The following SRBD1 variants were observed in gnomAD, a reference collection of about 807,000 sequenced individuals.
SRBD1 encodes the protein S1 RNA binding domain 1.
A neutral mutation model predicts 115.3 loss-of-function variants in SRBD1; 88 were observed. The observed-to-expected ratio is 0.76, with a 90% CI of 0.64 to 0.91. The LOEUF (loss-of-function observed/expected upper bound fraction) is 0.91. SRBD1 is among the 40% of genes least tolerant of loss of function. The pLI, the probability that SRBD1 is intolerant of heterozygous loss-of-function variation, is 0.00. For missense variants in SRBD1, 1,385 were observed against 1,177.4 expected, an observed-to-expected ratio of 1.18 and a Z score of -2.58; for synonymous variants, 509 against 407.7, an observed-to-expected ratio of 1.25 and a Z score of -2.99.
intron 19 of SRBD1, among the ~76,000 whole-genome samples, chr2:45,406,429 G>A (rs1367661612): frequency 6.6e-6 from 1 of 152,112 alleles, no homozygotes; most frequent in East Asian, 1.9e-4. Context: ...ATCTATTTGT[G>A]GCAACAGTGT....
chr2:45,423,759 C>T (rs1157225958), intron 16 of SRBD1, among the ~76,000 whole-genome samples: 1 of 152,070 alleles, frequency 6.6e-6, no homozygotes, highest in Non-Finnish European at 1.5e-5. Flanking sequence ...TACATTTGAA[C>T]TGATTTCCTA....
At chr2:45,535,077 A>C (rs1333015580) in intron 14 of SRBD1, among the ~76,000 whole-genome samples, 1 of 152,064 alleles carries the variant, frequency 6.6e-6, no homozygotes, top group Non-Finnish European at 1.5e-5. Context: ...TGATTCTAAC[A>C]CACCTCAGTG....
intron 16 of SRBD1, among the ~76,000 whole-genome samples, chr2:45,422,776 T>C (rs1228269486): frequency 1.3e-5 from 2 of 152,228 alleles, no homozygotes; most frequent in African/African-American, 4.8e-5. Flanking sequence ...CAAGTTTAGT[T>C]AAAAACTTTC....
At chr2:45,445,549 G>GAAAA (rs1415666261) in intron 16 of SRBD1, among the ~76,000 whole-genome samples, 1 of 47,150 alleles carries the variant, frequency 2.1e-5, no homozygotes, top group African/African-American at 1.1e-4. Context: ...CTTCCCAGAG[G>GAAAA]TAAAAAAAAA....
At chr2:45,418,622 G>T in intron 17 of SRBD1, 81 bp from the exon 18 acceptor site, 2 of 1,213,076 alleles carry the variant, frequency 1.6e-6, no homozygotes, top group Non-Finnish European at 1.1e-6. Flanking sequence ...TCATAAAAAC[G>T]ACTGCAATGA....
chr2:45,405,158 T>G (rs1256178687), intron 19 of SRBD1, among the ~76,000 whole-genome samples: 3 of 152,220 alleles, frequency 2.0e-5, no homozygotes, highest in African/African-American at 7.2e-5. Flanking sequence ...TTGTATACTG[T>G]GTCTCTTTGA....
chr2:45,606,157 CT>C (rs71394845), intron 1 of SRBD1, among the ~76,000 whole-genome samples: 48,033 of 116,358 alleles, frequency 0.41, 7,844 homozygotes, highest in Non-Finnish European at 0.47. Context: ...TTTTCCTATT[CT>C]TTTTTTTTTT....
At position 45,610,237 on chromosome 2, in the gene SRBD1, G is replaced by A. The variant is rs577738318; in HGVS notation, c.-1+982C>T. 7.0e-4 allele frequency among the ~76,000 whole-genome samples: 106 copies of A among 152,164 alleles called. 2 individuals carry two copies. Among genetic ancestry groups the A allele is most frequent in the African/African-American group, 2.5e-3 (103 of 41,508 alleles). ...GACGACTGCAAATCAGGACAAAGGG[G>A]CAAAAGGACGTGCACACTAACAAAT... On this transcript the variant is annotated intron_variant, in intron 1 of 20. Coordinates refer to ENST00000263736, the MANE Select transcript of SRBD1 (RefSeq NM_018079.5).
chr2:45,418,726 AAAG>A (rs1667911208), intron 17 of SRBD1, among the ~76,000 whole-genome samples, 185 bp from the exon 18 acceptor site: 1 of 151,964 alleles, frequency 6.6e-6, no homozygotes, highest in Non-Finnish European at 1.5e-5. Context: ...GTGCAAGAGG[AAAG>A]AAGGACAACA....
intron 19 of SRBD1, 149 bp from the exon 20 acceptor site, chr2:45,393,278 T>A: frequency 1.3e-6 from 1 of 762,888 alleles, no homozygotes; most frequent in African/African-American, 1.8e-5. Context: ...TCCTGTGCTG[T>A]AAACTGTCCT....
chr2:45,480,271 G>C (rs770557249), intron 15 of SRBD1, among the ~76,000 whole-genome samples: 18 of 152,130 alleles, frequency 1.2e-4, no homozygotes, highest in Non-Finnish European at 1.5e-4. Flanking sequence ...ATTTTGTAAG[G>C]CTATAGCTGC....
intron 14 of SRBD1, chr2:45,546,436 T>C (rs1672121448): frequency 5.3e-6 from 4 of 753,432 alleles, no homozygotes. Flanking sequence ...TATTATTCAA[T>C]AGTTAACTAG....
intron 9 of SRBD1, among the ~76,000 whole-genome samples, chr2:45,570,932 C>T (rs1672986709): frequency 1.3e-5 from 2 of 152,052 alleles, no homozygotes; most frequent in African/African-American, 4.8e-5. Flanking sequence ...AATATATTAG[C>T]CCCAGCCATG....
chr2:45,414,524 A>C (rs185649763), intron 18 of SRBD1, among the ~76,000 whole-genome samples: 14 of 147,670 alleles, frequency 9.5e-5, no homozygotes, highest in Non-Finnish European at 1.9e-4. Context: ...CATAGTGTGT[A>C]TATAGTGTGT....
intron 15 of SRBD1, among the ~76,000 whole-genome samples, chr2:45,485,301 T>C (rs1002330298): frequency 6.6e-6 from 1 of 152,204 alleles, no homozygotes; most frequent in African/African-American, 2.4e-5. Flanking sequence ...TAGAATTCAA[T>C]GTTCTCAAGT....
intron 14 of SRBD1, among the ~76,000 whole-genome samples, chr2:45,497,345 C>T (rs1157840617): frequency 6.6e-6 from 1 of 152,180 alleles, no homozygotes; most frequent in Non-Finnish European, 1.5e-5. Flanking sequence ...CTAGAACAGT[C>T]CTTAATTCAA....
intron 7 of SRBD1, among the ~76,000 whole-genome samples, chr2:45,575,017 G>C (rs1289435077): frequency 6.6e-6 from 1 of 152,042 alleles, no homozygotes; most frequent in Non-Finnish European, 1.5e-5. Flanking sequence ...TGAGACACTG[G>C]GCAACCTACT....
chr2:45,437,188 A>G (rs763525467), intron 16 of SRBD1, among the ~76,000 whole-genome samples: 2 of 152,110 alleles, frequency 1.3e-5, no homozygotes, highest in Non-Finnish European at 2.9e-5. Flanking sequence ...CTTCCCATCT[A>G]TAGATTCAAC....
At chr2:45,522,532 T>C (rs909685057) in intron 14 of SRBD1, among the ~76,000 whole-genome samples, 1 of 152,172 alleles carries the variant, frequency 6.6e-6, no homozygotes, top group Admixed American at 6.6e-5. Context: ...CTGGAGCATT[T>C]TGGATTAGGG....
Sources: allele counts gnomAD v4.1 joint callset (sites outside exome capture counted in the v4.1 genomes callset), GRCh38; gene constraint gnomAD v4.1.1; transcripts MANE v1.5; gene names NCBI Gene and HGNC (gene_info 2026-07-23, HGNC 2026-07-21).